Variants in THSD7B observed in about 807,000 individuals in gnomAD.
THSD7B encodes thrombospondin type-1 domain-containing protein 7B.
Under a neutral mutation model 213.6 loss-of-function variants are expected in THSD7B, and 138 were observed. The observed-to-expected ratio is 0.65, with a 90% CI of 0.56 to 0.74. The LOEUF (loss-of-function observed/expected upper bound fraction) is 0.74. THSD7B is among the 30% of genes least tolerant of loss of function. The pLI is 0.00. For missense variants in THSD7B, 1,931 were observed against 1,991.5 expected (o/e 0.97, Z 0.58); for synonymous variants, 742 against 687.0 (o/e 1.08, Z -1.25).
At chr2:137,613,787 T>C (rs1210489064) in intron 17 of THSD7B, among the ~76,000 whole-genome samples, 1 of 152,144 alleles carries the variant, frequency 6.6e-6, no homozygotes, top group East Asian at 1.9e-4. Context: ...GATGTAAACA[T>C]CCTTTCTCTT....
intron 15 of THSD7B, among the ~76,000 whole-genome samples, chr2:137,509,601 A>T (rs1039897626): frequency 1.3e-5 from 2 of 152,104 alleles, no homozygotes; most frequent in South Asian, 4.1e-4. Context: ...TAAATTTGAG[A>T]ATATTTAGAC....
chr2:136,849,793 C>T (rs1266629499), intron 1 of THSD7B, among the ~76,000 whole-genome samples: 2 of 151,992 alleles, frequency 1.3e-5, no homozygotes, highest in African/African-American at 4.8e-5. Context: ...ATTTTTGTTA[C>T]AGAATATTAG....
intron 22 of THSD7B, among the ~76,000 whole-genome samples, chr2:137,655,946 C>T (rs1683228514): frequency 6.6e-6 from 1 of 152,118 alleles, no homozygotes; most frequent in Admixed American, 6.5e-5. Flanking sequence ...CCCCTGTGAG[C>T]AATGATTTCT....
chr2:137,581,313 T>C (rs1681569470), intron 17 of THSD7B, among the ~76,000 whole-genome samples: 1 of 152,146 alleles, frequency 6.6e-6, no homozygotes, highest in Non-Finnish European at 1.5e-5. Context: ...ATAGGCCGGG[T>C]GCAGTGGTTC....
At chr2:136,785,214 A>T (rs1438849857) in intron 1 of THSD7B, among the ~76,000 whole-genome samples, 1 of 152,080 alleles carries the variant, frequency 6.6e-6, no homozygotes, top group Non-Finnish European at 1.5e-5. Context: ...TGTTGTCCTT[A>T]AGTCCACACT....
At chr2:137,620,945 G>C (rs1413196399) in intron 20 of THSD7B, among the ~76,000 whole-genome samples, 2 of 152,204 alleles carry the variant, frequency 1.3e-5, no homozygotes, top group African/African-American at 4.8e-5. Context: ...CTCCAGAGAG[G>C]CTGATGAAAC....
chr2:136,901,649 G>A (rs1684065048), intron 2 of THSD7B, among the ~76,000 whole-genome samples: 1 of 152,176 alleles, frequency 6.6e-6, no homozygotes. Context: ...TTGATATTTT[G>A]AAGACATTTC....
At chr2:137,296,005 A>G (rs901180106) in intron 12 of THSD7B, among the ~76,000 whole-genome samples, 1 of 152,172 alleles carries the variant, frequency 6.6e-6, no homozygotes, top group Admixed American at 6.5e-5. Flanking sequence ...TACAGTCATC[A>G]TTAAATAATG....
intron 2 of THSD7B, among the ~76,000 whole-genome samples, chr2:136,901,553 A>C (rs1200900105): frequency 6.6e-6 from 1 of 152,240 alleles, no homozygotes; most frequent in Non-Finnish European, 1.5e-5. Context: ...TTTGAGAAGA[A>C]TTTTATAGCT....
At chr2:137,228,368 A>T (rs1681562036) in intron 7 of THSD7B, among the ~76,000 whole-genome samples, 1 of 152,146 alleles carries the variant, frequency 6.6e-6, no homozygotes, top group South Asian at 2.1e-4. Flanking sequence ...GAGATTTTAA[A>T]AAGTATTTGA....
rs1372828304 is a variant in THSD7B at position 137,242,490 on chromosome 2, C to A, written c.2184C>A (p.Arg728=). ...CPDSTRPETV[R]PCFLPCKKDC... ...ATTCTACTCGACCTGAAACTGTGCG[C>A]CCCTGTTTTCTCCCATGCAAAAAAG... is the stretch of plus-strand genomic sequence containing the variant. The change falls in exon 10 of 28, where the codon CGC becomes CGA. Residue 728 remains arginine, a synonymous_variant. Transcript: ENST00000409968. 6 of 1,613,838 alleles carry A rather than the reference C, an allele frequency of 3.7e-6. No homozygotes were observed. The highest frequency in any genetic ancestry group is 5.1e-6 in the Non-Finnish European group (6 of 1,179,786).
intron 12 of THSD7B, among the ~76,000 whole-genome samples, chr2:137,404,506 C>CAT (rs1238992514): frequency 1.4e-4 from 17 of 117,862 alleles, no homozygotes; most frequent in African/African-American, 3.7e-4. Flanking sequence ...CACACACACA[C>CAT]ATATATGTAT....
intron 2 of THSD7B, among the ~76,000 whole-genome samples, chr2:136,930,422 T>A (rs768527179): frequency 3.9e-5 from 6 of 152,202 alleles, no homozygotes; most frequent in African/African-American, 4.8e-5. Flanking sequence ...CAGATAAAGT[T>A]GGCTGGATAA....
At chr2:137,452,112 C>T (rs1482899111) in intron 15 of THSD7B, 1 of 724,394 alleles carries the variant, frequency 1.4e-6, no homozygotes, top group Non-Finnish European at 1.7e-6. Context: ...TTATAAAAGA[C>T]ATATAACTCA....
At chr2:136,909,470 T>A (rs1344816424) in intron 2 of THSD7B, among the ~76,000 whole-genome samples, 1 of 152,180 alleles carries the variant, frequency 6.6e-6, no homozygotes, top group Non-Finnish European at 1.5e-5. Context: ...TTCTTATACA[T>A]CTTTGTGCAA....
intron 1 of THSD7B, among the ~76,000 whole-genome samples, chr2:136,774,755 A>T (rs1443990925): frequency 1.3e-5 from 2 of 152,136 alleles, no homozygotes; most frequent in Non-Finnish European, 2.9e-5. Flanking sequence ...ATCGTGTAAG[A>T]GTATGTGCAT....
At chr2:137,150,777 G>T (rs990216083) in intron 5 of THSD7B, among the ~76,000 whole-genome samples, 9 of 152,098 alleles carry the variant, frequency 5.9e-5, no homozygotes, top group Non-Finnish European at 8.8e-5. Flanking sequence ...CACAAATCTA[G>T]TTGGGATAGT....
chr2:136,998,909 GACACACACACACACACACAC>G (rs57138045), intron 2 of THSD7B, among the ~76,000 whole-genome samples: 31 of 129,986 alleles, frequency 2.4e-4, no homozygotes, highest in South Asian at 1.7e-3. Context: ...ATACCCAACA[GACACACACACACACACACAC>G]ACACACACAC....
At chr2:137,371,209 C>T (rs1685531040) in intron 12 of THSD7B, among the ~76,000 whole-genome samples, 2 of 152,116 alleles carry the variant, frequency 1.3e-5, no homozygotes, top group Admixed American at 6.6e-5. Context: ...TTACTCTCTC[C>T]CCTACTCTTC....
Sources: gnomAD v4.1 joint callset for allele counts (sites outside exome capture counted in the v4.1 genomes callset) on GRCh38, gnomAD v4.1.1 for gene constraint, MANE v1.5 for transcripts, NCBI Gene and HGNC (gene_info 2026-07-23, HGNC 2026-07-21) for gene names.